The following CMTM8 variants were observed in gnomAD, a reference collection of about 807,000 sequenced individuals.
CMTM8 encodes CKLF like MARVEL transmembrane domain containing 8.
CMTM8 carries 12 observed loss-of-function variants against 18.6 expected under a neutral mutation model. That is an observed-to-expected ratio of 0.65 (90% confidence interval 0.41 to 1.05). The LOEUF (loss-of-function observed/expected upper bound fraction) is 1.05. Ranked by LOEUF, CMTM8 falls within the 50% of genes least tolerant of loss-of-function variation. The pLI is 0.00. For missense variants in CMTM8, 217 were observed against 227.2 expected (o/e 0.95, Z 0.29); for synonymous variants, 87 against 90.6 (o/e 0.96, Z 0.23).
chr3:32,328,370 C>CAAAAAAAAAAAA (rs796201249), intron 1 of CMTM8, among the ~76,000 whole-genome samples: 15 of 74,782 alleles, frequency 2.0e-4, no homozygotes, highest in African/African-American at 8.7e-4. Context: ...ACCCTGTCTC[C>CAAAAAAAAAAAA]AAAAAAAAAA....
chr3:32,307,296 G>T (rs988454486), intron 1 of CMTM8, among the ~76,000 whole-genome samples: 1 of 152,082 alleles, frequency 6.6e-6, no homozygotes, highest in East Asian at 1.9e-4. Flanking sequence ...AGCTGAGATC[G>T]CACCACTGCA....
At chr3:32,265,885 C>A (rs1575151647) in intron 1 of CMTM8, among the ~76,000 whole-genome samples, 1 of 152,114 alleles carries the variant, frequency 6.6e-6, no homozygotes. Flanking sequence ...ACACATACAC[C>A]CTCCCAAGAC....
chr3:32,269,090 T>C (rs962322732), intron 1 of CMTM8, among the ~76,000 whole-genome samples: 1 of 152,236 alleles, frequency 6.6e-6, no homozygotes, highest in Non-Finnish European at 1.5e-5. Context: ...CTGAGCAGGC[T>C]TGAAGGGATA....
At chr3:32,349,989 CAG>C (rs1173744754) in intron 1 of CMTM8, among the ~76,000 whole-genome samples, 1 of 151,630 alleles carries the variant, frequency 6.6e-6, no homozygotes, top group African/African-American at 2.4e-5. Context: ...GCCTGAGTGA[CAG>C]AGCAAGACTT....
Position 32,357,269 on chromosome 3 carries a change from A to G in CMTM8, c.148-104A>G, listed in dbSNP as rs533732747. On this transcript the variant is annotated intron_variant, in intron 1 of 3. Coordinates refer to ENST00000307526, the MANE Select transcript of CMTM8 (RefSeq NM_178868.5). ...CAAATAAATAAATAAATAAGTTGTA[A>G]TTGACATTCTGTATAATTATTTTTT... 432 of 917,114 alleles carry G rather than the reference A, an allele frequency of 4.7e-4. 1 individual carries two copies. The highest frequency in any genetic ancestry group is 5.6e-4 in the Non-Finnish European group (331 of 592,714). The allele number at this position is 917,114 out of a possible 1,614,324, so 56.8% of individuals were successfully genotyped here. A position where few individuals can be genotyped will look rare whatever the true frequency, so the allele number is the denominator to read the frequency against.
chr3:32,281,998 T>C (rs1575158476), intron 1 of CMTM8, among the ~76,000 whole-genome samples: 1 of 152,150 alleles, frequency 6.6e-6, no homozygotes, highest in African/African-American at 2.4e-5. Context: ...CTTTTCCGTC[T>C]ACACTCATTC....
chr3:32,249,056 T>TTTTG (rs1702080400), intron 1 of CMTM8, among the ~76,000 whole-genome samples: 1 of 146,236 alleles, frequency 6.8e-6, no homozygotes, highest in Admixed American at 6.8e-5. Flanking sequence ...TTTTTTTTTT[T>TTTTG]TTGATACGGA....
intron 1 of CMTM8, among the ~76,000 whole-genome samples, chr3:32,355,953 A>C (rs1011854629): frequency 1.3e-5 from 2 of 152,120 alleles, no homozygotes; most frequent in African/African-American, 2.4e-5. Flanking sequence ...GCCTGCCAGC[A>C]AGGTCATTTC....
chr3:32,312,264 G>C (rs1695833866), intron 1 of CMTM8, among the ~76,000 whole-genome samples: 1 of 152,088 alleles, frequency 6.6e-6, no homozygotes, highest in African/African-American at 2.4e-5. Context: ...CCCTAGGCTT[G>C]ATAATTTAAA....
chr3:32,354,600 T>C (rs1696777595), intron 1 of CMTM8, among the ~76,000 whole-genome samples: 1 of 152,226 alleles, frequency 6.6e-6, no homozygotes, highest in African/African-American at 2.4e-5. Context: ...CCTGTTTAGC[T>C]GGATACAGAC....
chr3:32,242,628 G>C (rs567451009), intron 1 of CMTM8, among the ~76,000 whole-genome samples: 4 of 152,180 alleles, frequency 2.6e-5, no homozygotes, highest in Non-Finnish European at 5.9e-5. Flanking sequence ...GCACCTGGCT[G>C]TAAAAATTTT....
chr3:32,367,880 C>CT lies in CMTM8; in HGVS notation c.333dup (p.Asn112Ter), dbSNP rs1275974691. On this transcript the variant is annotated frameshift_variant, in exon 3 of 4. Coordinates refer to ENST00000307526, the MANE Select transcript of CMTM8 (RefSeq NM_178868.5). LOFTEE classifies it high-confidence loss of function. The stretch of plus-strand genomic sequence containing the variant: ...CCCCTGTGTCCCCCCAGGGCCTGTG[C>CT]TTTAACGGCAGTGCCTTCGTCTTGT... 2.5e-6 allele frequency: 4 copies of CT among 1,613,048 alleles called. No individual in the cohort carries two copies. The highest frequency in any genetic ancestry group is 1.3e-5 in the African/African-American group (1 of 74,904).
chr3:32,294,825 C>T (rs1007986335), intron 1 of CMTM8, among the ~76,000 whole-genome samples: 17 of 152,030 alleles, frequency 1.1e-4, no homozygotes, highest in Admixed American at 4.6e-4. Flanking sequence ...GAGGCCGAGG[C>T]GAGCGGATCA....
intron 1 of CMTM8, among the ~76,000 whole-genome samples, chr3:32,356,849 A>G (rs1696823944): frequency 6.6e-6 from 1 of 152,198 alleles, no homozygotes; most frequent in Non-Finnish European, 1.5e-5. Flanking sequence ...TAAAATCAAG[A>G]TTATTATGTA....
Position 32,357,443 on chromosome 3 carries a change from T to A in CMTM8, c.218T>A (p.Val73Asp). 1 of 1,614,064 alleles carries A rather than the reference T, an allele frequency of 6.2e-7. No homozygotes were observed. Among genetic ancestry groups the A allele is most frequent in the Non-Finnish European group, 8.5e-7 (1 of 1,180,006 alleles). The change falls in exon 2 of 4, where the codon GTC becomes GAC. Residue 73 changes from valine to aspartate, a missense_variant. Val to Asp is a radical substitution (Grantham distance 152). Transcript: ENST00000307526. The part of the protein sequence containing the change: ...EYFRVPAFGW[V>D]MFVAVFYWVL... ...TTCCGGGTCCCCGCATTTGGCTGGGTCATGTTTGTAGCTGTATTTTACTGG... is the reference window on the plus strand; with the variant it reads ...TTCCGGGTCCCCGCATTTGGCTGGGACATGTTTGTAGCTGTATTTTACTGG...
intron 2 of CMTM8, among the ~76,000 whole-genome samples, chr3:32,362,527 T>C (rs1485648944): frequency 6.6e-6 from 1 of 152,200 alleles, no homozygotes; most frequent in Non-Finnish European, 1.5e-5. Flanking sequence ...GAGGCAGGTC[T>C]TCTAATACCA....
intron 1 of CMTM8, among the ~76,000 whole-genome samples, chr3:32,298,373 C>G (rs1226271385): frequency 1.3e-5 from 2 of 151,726 alleles, no homozygotes; most frequent in African/African-American, 2.4e-5. Flanking sequence ...CGTCCAGCCC[C>G]TAATTAAAAA....
At chr3:32,341,419 T>G (rs1696491086) in intron 1 of CMTM8, among the ~76,000 whole-genome samples, 1 of 152,174 alleles carries the variant, frequency 6.6e-6, no homozygotes, top group South Asian at 2.1e-4. Context: ...TCTGCCAAAC[T>G]GCTCTTTTTT....
At chr3:32,254,763 A>G (rs910279671) in intron 1 of CMTM8, among the ~76,000 whole-genome samples, 8 of 152,222 alleles carry the variant, frequency 5.3e-5, no homozygotes, top group African/African-American at 1.9e-4. Flanking sequence ...TACATACTGT[A>G]AAGTTCACCC....
Sources: gnomAD v4.1 joint callset for allele counts (sites outside exome capture counted in the v4.1 genomes callset) on GRCh38, gnomAD v4.1.1 for gene constraint, MANE v1.5 for transcripts, NCBI Gene and HGNC (gene_info 2026-07-23, HGNC 2026-07-21) for gene names.